SEPTIN14: variants seen among roughly 807,000 people sequenced by gnomAD.
The protein encoded by SEPTIN14 is septin-14.
Under a neutral mutation model 53.6 loss-of-function variants are expected in SEPTIN14, and 40 were observed. The observed-to-expected ratio is 0.75, with a 90% CI of 0.58 to 0.97. The LOEUF is 0.97. SEPTIN14 is among the 50% of genes least tolerant of loss of function. The probability of loss-of-function intolerance (pLI) is 0.00; values close to 1 mark genes in which losing one functional copy is unlikely to be tolerated. For missense variants in SEPTIN14, 471 were observed against 508.2 expected (o/e 0.93, Z 0.70); for synonymous variants, 138 against 166.8 (o/e 0.83, Z 1.33).
chr7:55,847,109 G>A (rs776156857), intron 2 of SEPTIN14, among the ~76,000 whole-genome samples: 3 of 152,150 alleles, frequency 2.0e-5, no homozygotes, highest in Non-Finnish European at 4.4e-5. Flanking sequence ...TCAGGAGGCT[G>A]AGGCAGGAGA....
chr7:55,819,142 A>G lies in SEPTIN14; in HGVS notation c.802T>C (p.Trp268Arg), dbSNP rs535911994. The change falls in exon 7 of 10, where the codon TGG (tryptophan) becomes CGG (arginine). Residue 268 changes from tryptophan (W) to arginine (R), a missense_variant. By Grantham distance (101) the Trp-to-Arg change is moderately radical. Coordinates refer to ENST00000388975, the MANE Select transcript of SEPTIN14 (RefSeq NM_207366.3). ...KRMVRGRHYP[W>R]GVLQVENENH... is the part of the protein sequence containing the mutation. ...TCATTTTTACCTTGCAAAACTCCCC[A>G]AGGGTAGTGACGGCCTCTGACCATC... 1.9e-6 allele frequency: 3 copies of G among 1,580,158 alleles called. No individual in the cohort carries two copies. Among genetic ancestry groups the G allele is most frequent in the South Asian group, 2.3e-5 (2 of 86,210 alleles).
intron 5 of SEPTIN14, among the ~76,000 whole-genome samples, chr7:55,835,279 T>G (rs1789185242): frequency 6.6e-6 from 1 of 151,934 alleles, no homozygotes; most frequent in African/African-American, 2.4e-5. Flanking sequence ...CTTGGCTCAC[T>G]GCAAGCTCCG....
chr7:55,817,214 G>A (rs1274447679), intron 7 of SEPTIN14, among the ~76,000 whole-genome samples: 1 of 152,078 alleles, frequency 6.6e-6, no homozygotes, highest in African/African-American at 2.4e-5. Context: ...CAACATGGAT[G>A]GAACTGGATG....
In SEPTIN14 at chr7:55,862,021, T is replaced by A. The variant is rs770991999; in HGVS notation, c.-15-10A>T. The A allele has an allele frequency of 5.3e-6, 8 of 1,512,794 alleles. No homozygotes were observed. Among genetic ancestry groups the A allele is most frequent in the African/African-American group, 2.8e-5 (2 of 71,032 alleles). The allele number at this position is 1,512,794 out of a possible 1,614,324, so 93.7% of individuals were successfully genotyped here. On this transcript the variant is annotated splice_polypyrimidine_tract_variant and intron_variant, in intron 1 of 9. Coordinates refer to ENST00000388975, the MANE Select transcript of SEPTIN14 (RefSeq NM_207366.3). ...TGCTACACTAAAAGAGCTGGAAATT[T>A]AAAAAAATAAACATTTTTAAAAATT... is the stretch of plus-strand genomic sequence containing the variant.
intron 6 of SEPTIN14, among the ~76,000 whole-genome samples, chr7:55,823,464 T>C (rs1788931145): frequency 6.6e-6 from 1 of 152,154 alleles, no homozygotes; most frequent in East Asian, 1.9e-4. Context: ...CTCATTCTTC[T>C]TGGTTGTGGG....
intron 2 of SEPTIN14, among the ~76,000 whole-genome samples, chr7:55,859,383 G>A (rs1789705160): frequency 6.6e-6 from 1 of 151,842 alleles, no homozygotes; most frequent in Non-Finnish European, 1.5e-5. Context: ...ATGTCCTCTT[G>A]GTGCCCTTTT....
intron 2 of SEPTIN14, among the ~76,000 whole-genome samples, chr7:55,854,745 C>A (rs1789583801): frequency 6.6e-6 from 1 of 151,940 alleles, no homozygotes; most frequent in African/African-American, 2.4e-5. Flanking sequence ...GAGGTTCTTA[C>A]CAGTCAATAA....
chr7:55,841,589 C>G (rs574133686), intron 5 of SEPTIN14, among the ~76,000 whole-genome samples: 3 of 152,080 alleles, frequency 2.0e-5, no homozygotes, highest in Non-Finnish European at 2.9e-5. Context: ...AGCACAGTGG[C>G]TCACGCCTGT....
At chr7:55,808,248 A>C (rs957235843) in intron 7 of SEPTIN14, among the ~76,000 whole-genome samples, 8 of 152,236 alleles carry the variant, frequency 5.3e-5, no homozygotes, top group African/African-American at 1.9e-4. Flanking sequence ...GATAGATCAT[A>C]TGTTAGGCCA....
At chr7:55,847,010 A>AC (rs1489263972) in intron 2 of SEPTIN14, among the ~76,000 whole-genome samples, 5 of 152,040 alleles carry the variant, frequency 3.3e-5, no homozygotes, top group African/African-American at 1.2e-4. Flanking sequence ...ACATTGTGAA[A>AC]CCCCATCTCT....
At chr7:55,857,490 G>GAGGGAAGGGAAGGGA (rs1214849802) in intron 2 of SEPTIN14, among the ~76,000 whole-genome samples, 2,517 of 71,394 alleles carry the variant, frequency 0.035, 124 homozygotes, top group African/African-American at 0.092. Flanking sequence ...GAGGGGAGGG[G>GAGGGAAGGGAAGGGA]AGGGAAGGGA....
At chr7:55,815,187 C>T (rs1014479127) in intron 7 of SEPTIN14, among the ~76,000 whole-genome samples, 3 of 152,008 alleles carry the variant, frequency 2.0e-5, no homozygotes, top group Non-Finnish European at 2.9e-5. Flanking sequence ...AATTATGAAA[C>T]GACTACAAAA....
intron 2 of SEPTIN14, among the ~76,000 whole-genome samples, chr7:55,858,351 A>G (rs1789683107): frequency 6.6e-6 from 1 of 152,226 alleles, no homozygotes; most frequent in African/African-American, 2.4e-5. Flanking sequence ...ACTGCTGTCA[A>G]GATACATATT....
intron 7 of SEPTIN14, among the ~76,000 whole-genome samples, chr7:55,808,530 T>C (rs1173351920): frequency 6.6e-6 from 1 of 152,198 alleles, no homozygotes; most frequent in Non-Finnish European, 1.5e-5. Context: ...GTTCAGCCAT[T>C]GTGAAAAGTA....
chr7:55,847,441 TA>T, intron 2 of SEPTIN14, among the ~76,000 whole-genome samples: 1 of 152,132 alleles, frequency 6.6e-6, no homozygotes, highest in Admixed American at 6.6e-5. Flanking sequence ...AAATTGAACA[TA>T]TTGTAAGTCA....
intron 2 of SEPTIN14, among the ~76,000 whole-genome samples, chr7:55,861,224 G>A (rs531369924): frequency 1.3e-5 from 2 of 152,170 alleles, no homozygotes; most frequent in Non-Finnish European, 1.5e-5. Context: ...CAGGCCAGGC[G>A]CAGTGGCTCA....
intron 6 of SEPTIN14, among the ~76,000 whole-genome samples, chr7:55,830,772 A>C (rs941253182): frequency 6.6e-6 from 1 of 152,170 alleles, no homozygotes; most frequent in Non-Finnish European, 1.5e-5. Flanking sequence ...CTAAACCAGG[A>C]AAAAATAGAT....
chr7:55,843,118 T>C lies in SEPTIN14; in HGVS notation c.382A>G (p.Ile128Val). 4 of 1,574,426 alleles carry C rather than the reference T, an allele frequency of 2.5e-6. No homozygotes were observed. The highest frequency in any genetic ancestry group is 1.4e-5 in the African/African-American group (1 of 72,774). Residue 128 changes from isoleucine to valine, a missense_variant, in exon 5 of 10, where the codon ATA becomes GTA. Ile to Val is a conservative substitution (Grantham distance 29). Coordinates refer to ENST00000388975, the MANE Select transcript of SEPTIN14 (RefSeq NM_207366.3). ...QIDKEASYQP[I>V]VDYIDAQFEA... ...AATTGGGCATCTATGTAGTCAACTATTGGTTGGTAGCTAAAAAAAAATTTA... is the reference window on the plus strand; with the variant it reads ...AATTGGGCATCTATGTAGTCAACTACTGGTTGGTAGCTAAAAAAAAATTTA...
Position 55,857,545 on chromosome 7 carries a change from AGGAGG to A in SEPTIN14, c.54+4393_54+4397del, listed in dbSNP as rs1208210648. 6.1e-3 allele frequency among the ~76,000 whole-genome samples: 366 copies of A among 60,132 alleles called. 2 individuals are homozygous for A. The highest frequency in any genetic ancestry group is 0.017 in the African/African-American group (248 of 14,230). The allele number at this position is 60,132 out of a possible 152,430, so 39.4% of individuals were successfully genotyped here. ...AAAGGAAAGGAAAGGAAAGGAAGAG[AGGAGG>A]GGAGGGGAGGGGAGGGGAGGGGAGC... On this transcript the variant is annotated intron_variant, in intron 2 of 9. Transcript: ENST00000388975.
Sources: allele counts gnomAD v4.1 joint callset (sites outside exome capture counted in the v4.1 genomes callset), GRCh38; gene constraint gnomAD v4.1.1; transcripts MANE v1.5; gene names NCBI Gene and HGNC (gene_info 2026-07-23, HGNC 2026-07-21).